The following MKLN1 variants were observed in gnomAD, a reference collection of about 807,000 sequenced individuals.
MKLN1 encodes the protein muskelin 1.
Under a neutral mutation model 99.0 loss-of-function variants are expected in MKLN1, and 18 were observed. The observed-to-expected ratio is 0.18, with a 90% CI of 0.13 to 0.27. The LOEUF (loss-of-function observed/expected upper bound fraction) is 0.27, where lower values mean the gene tolerates loss of function less well. Ranked by LOEUF, MKLN1 falls within the 10% of genes least tolerant of loss-of-function variation. The pLI, the probability that MKLN1 is intolerant of heterozygous loss-of-function variation, is 1.00. For missense variants in MKLN1, 621 were observed against 875.9 expected, an observed-to-expected ratio of 0.71 and a Z score of 3.67; for synonymous variants, 288 against 293.2, an observed-to-expected ratio of 0.98 and a Z score of 0.18.
chr7:131,190,875 C>A (rs1449991384), intron 2 of MKLN1, among the ~76,000 whole-genome samples: 9 of 152,170 alleles, frequency 5.9e-5, no homozygotes, highest in Non-Finnish European at 1.5e-5. Context: ...AGTTCTGTTG[C>A]TGGAAAAAGC....
chr7:131,163,987 A>T (rs949176241), intron 2 of MKLN1, among the ~76,000 whole-genome samples: 9 of 152,200 alleles, frequency 5.9e-5, no homozygotes, highest in Non-Finnish European at 1.0e-4. Flanking sequence ...GAGGATTGGA[A>T]TAATTGCAAA....
chr7:131,195,949 AAAC>A (rs533134308), intron 2 of MKLN1, among the ~76,000 whole-genome samples: 12 of 152,128 alleles, frequency 7.9e-5, no homozygotes, highest in South Asian at 2.1e-4. Flanking sequence ...ACTCCATCTC[AAAC>A]AACAACAACA....
chr7:131,391,305 G>GA (rs1471928048), intron 4 of MKLN1, among the ~76,000 whole-genome samples: 1 of 152,104 alleles, frequency 6.6e-6, no homozygotes, highest in Non-Finnish European at 1.5e-5. Context: ...TGACATGTTT[G>GA]AAAGATCTTG....
intron 1 of MKLN1, among the ~76,000 whole-genome samples, chr7:131,338,820 A>G (rs1438381037): frequency 6.6e-6 from 1 of 152,236 alleles, no homozygotes; most frequent in African/African-American, 2.4e-5. Context: ...ACCCTTGAAC[A>G]ACATGGATTT....
intron 3 of MKLN1, among the ~76,000 whole-genome samples, chr7:131,271,785 TGCTGTTCCA>T (rs1797889302): frequency 1.3e-5 from 2 of 152,032 alleles, no homozygotes; most frequent in Non-Finnish European, 2.9e-5. Context: ...GGTGCGCACC[TGCTGTTCCA>T]GCTACTCAGG....
chr7:131,431,200 C>G (rs1187605103), intron 9 of MKLN1, among the ~76,000 whole-genome samples: 2 of 151,246 alleles, frequency 1.3e-5, no homozygotes, highest in East Asian at 1.9e-4. Context: ...CCAGCCTGGT[C>G]GACAGAGTGA....
At chr7:131,379,540 T>C (rs1008151191) in intron 2 of MKLN1, among the ~76,000 whole-genome samples, 16 of 152,146 alleles carry the variant, frequency 1.1e-4, no homozygotes, top group African/African-American at 3.6e-4. Flanking sequence ...TAAGCACAGA[T>C]AGAAAAGATG....
intron 3 of MKLN1, among the ~76,000 whole-genome samples, chr7:131,321,143 G>A (rs1374499928): frequency 2.0e-5 from 3 of 152,108 alleles, no homozygotes; most frequent in Non-Finnish European, 4.4e-5. Flanking sequence ...TGTGTTTGCC[G>A]CAGCACTTTA....
At chr7:131,209,354 A>G (rs1796865622) in intron 3 of MKLN1, among the ~76,000 whole-genome samples, 1 of 152,252 alleles carries the variant, frequency 6.6e-6, no homozygotes, top group Non-Finnish European at 1.5e-5. Flanking sequence ...AGAGATGTTT[A>G]GGAAGCAATT....
intron 3 of MKLN1, among the ~76,000 whole-genome samples, chr7:131,220,523 A>G (rs1797045157): frequency 6.6e-6 from 1 of 152,162 alleles, no homozygotes; most frequent in Non-Finnish European, 1.5e-5. Context: ...CTGAACAAGG[A>G]GATGGGAGAA....
chr7:131,282,161 C>T (rs774377560), intron 3 of MKLN1, among the ~76,000 whole-genome samples: 27 of 151,732 alleles, frequency 1.8e-4, no homozygotes, highest in Non-Finnish European at 3.7e-4. Flanking sequence ...ACCAGCCTGA[C>T]CAACATGGAG....
intron 3 of MKLN1, among the ~76,000 whole-genome samples, chr7:131,234,796 C>T (rs377686523): frequency 5.9e-5 from 9 of 152,334 alleles, no homozygotes; most frequent in African/African-American, 1.9e-4. Flanking sequence ...TTCCCCTCCT[C>T]AGAGAAATGC....
chr7:131,484,284 G>A (rs1234116258), intron 17 of MKLN1, among the ~76,000 whole-genome samples: 1 of 152,188 alleles, frequency 6.6e-6, no homozygotes, highest in Non-Finnish European at 1.5e-5. Context: ...AGCACTTAAT[G>A]AGTGTGAGTT....
chr7:131,123,001 C>T (rs1795398033), intron 1 of MKLN1, among the ~76,000 whole-genome samples: 1 of 109,824 alleles, frequency 9.1e-6, no homozygotes, highest in East Asian at 3.1e-4. Flanking sequence ...CCGGCCTGGG[C>T]GAAACAGCGA....
At chr7:131,181,723 G>A (rs1796379492) in intron 2 of MKLN1, among the ~76,000 whole-genome samples, 2 of 149,864 alleles carry the variant, frequency 1.3e-5, no homozygotes, top group African/African-American at 4.9e-5. Context: ...CCAGTGGCAC[G>A]ATCTCAGCTC....
intron 2 of MKLN1, among the ~76,000 whole-genome samples, chr7:131,200,389 C>T (rs1796709354): frequency 6.6e-6 from 1 of 152,108 alleles, no homozygotes; most frequent in South Asian, 2.1e-4. Flanking sequence ...AACTTTGGTC[C>T]TTTATGTTGC....
intron 3 of MKLN1, among the ~76,000 whole-genome samples, chr7:131,289,016 G>T (rs1477087011): frequency 1.3e-5 from 2 of 152,044 alleles, no homozygotes; most frequent in Admixed American, 1.3e-4. Context: ...AGTAAATGGG[G>T]GTCTCACTGT....
chr7:131,472,083 G>C (rs1796835631), intron 16 of MKLN1: 1 of 152,162 alleles, frequency 6.6e-6, no homozygotes, highest in African/African-American at 2.4e-5. Flanking sequence ...GTGCAAATAG[G>C]AGAAATAATT....
chr7:131,241,406 A>G (rs1482594353), intron 3 of MKLN1, among the ~76,000 whole-genome samples: 10 of 151,330 alleles, frequency 6.6e-5, no homozygotes, highest in Non-Finnish European at 1.3e-4. Flanking sequence ...AAGAAAAAAA[A>G]AAAAAGAACA....
Sources: allele counts gnomAD v4.1 joint callset (sites outside exome capture counted in the v4.1 genomes callset), GRCh38; gene constraint gnomAD v4.1.1; transcripts MANE v1.5; gene names NCBI Gene and HGNC (gene_info 2026-07-23, HGNC 2026-07-21).